RAE1: variants seen among roughly 807,000 people sequenced by gnomAD.
RAE1 encodes the protein mRNA export factor RAE1.
A neutral mutation model predicts 52.7 loss-of-function variants in RAE1; 13 were observed. The observed-to-expected ratio is 0.25, with a 90% confidence interval of 0.16 to 0.39. RAE1 has a LOEUF of 0.39. Ranked by LOEUF, RAE1 falls within the 10% of genes least tolerant of loss-of-function variation. The probability of loss-of-function intolerance (pLI) is 1.00; values close to 1 mark genes in which losing one functional copy is unlikely to be tolerated. For synonymous variants in RAE1, 164 were observed against 153.1 expected (o/e 1.07, Z -0.52); for missense variants, 262 against 459.8 (o/e 0.57, Z 3.93).
At chr20:57,377,789 C>T (rs768857936) in intron 11 of RAE1, among the ~76,000 whole-genome samples, 1 of 152,192 alleles carries the variant, frequency 6.6e-6, no homozygotes, top group South Asian at 2.1e-4. Flanking sequence ...CTCACAGACT[C>T]TCTCAGTAGG....
intron 7 of RAE1, among the ~76,000 whole-genome samples, chr20:57,367,390 G>A (rs967794815): frequency 6.6e-6 from 1 of 152,166 alleles, no homozygotes; most frequent in Non-Finnish European, 1.5e-5. Context: ...AGGAAAACTT[G>A]CAGTAAGTTT....
intron 4 of RAE1, among the ~76,000 whole-genome samples, chr20:57,362,266 T>G (rs2066901125): frequency 6.6e-6 from 1 of 152,232 alleles, no homozygotes; most frequent in South Asian, 2.1e-4. Context: ...TTGCTCCCAT[T>G]TTATTCAGTA....
At position 57,351,463 on chromosome 20, in the gene RAE1, C is replaced by T. The variant is rs946340173; in HGVS notation, c.-8+41C>T. 7 of 985,376 alleles carry T rather than the reference C, an allele frequency of 7.1e-6. No homozygotes were observed. The South Asian group carries it at 1.9e-4, about 26-fold the overall frequency. The allele number at this position is 985,376 out of a possible 1,614,324, so 61.0% of individuals were successfully genotyped here. A position where few individuals can be genotyped will look rare whatever the true frequency, so the allele number is the denominator to read the frequency against. ...CGCGCGTCCCGTCGTTAACCGCCGC[C>T]ATGGCTCCCGCAGAGGCCGAGTTGC... On this transcript the variant is annotated intron_variant, in intron 1 of 11. Coordinates refer to ENST00000395841, the MANE Select transcript of RAE1 (RefSeq NM_003610.4).
intron 4 of RAE1, among the ~76,000 whole-genome samples, chr20:57,361,101 A>G (rs1342310734): frequency 6.6e-6 from 1 of 151,884 alleles, no homozygotes; most frequent in Non-Finnish European, 1.5e-5. Context: ...AAAGAAAGAA[A>G]GAAAGAAAGA....
chr20:57,362,610 G>A (rs1410592774), intron 4 of RAE1, among the ~76,000 whole-genome samples: 1 of 152,110 alleles, frequency 6.6e-6, no homozygotes, highest in Non-Finnish European at 1.5e-5. Flanking sequence ...TTTATAAAAC[G>A]GAATCTAAGT....
rs202232599 is a variant in RAE1 at position 57,367,758 on chromosome 20, GGAAA to G, written c.534+684_534+687del. On this transcript the variant is annotated intron_variant, in intron 7 of 11. Coordinates refer to ENST00000395841, the MANE Select transcript of RAE1 (RefSeq NM_003610.4). Reference sequence around the variant, plus strand: ...CTATCTCAAAAAAAAAAAAAAAAAAGGAAAGAAAAAGAAATGGAACTTTCTCCAT... The same window carrying G: ...CTATCTCAAAAAAAAAAAAAAAAAAGGAAAAAGAAATGGAACTTTCTCCAT... Among the ~76,000 whole-genome samples the G allele has an allele frequency of 9.3e-4, 134 of 143,998 alleles. 3 individuals carry two copies. In the East Asian group the frequency reaches 0.026, roughly 28 times the overall value. The allele number at this position is 143,998 out of a possible 152,430, so 94.5% of individuals were successfully genotyped here. A position where few individuals can be genotyped will look rare whatever the true frequency, so the allele number is the denominator to read the frequency against.
rs764565837 is a variant in RAE1 at position 57,354,704 on chromosome 20, T to TC, written c.91-5dup. The TC allele has an allele frequency of 2.4e-5, 38 of 1,555,884 alleles. No homozygotes were observed. Among genetic ancestry groups the TC allele is most frequent in the Non-Finnish European group, 3.0e-5 (35 of 1,155,046 alleles). ...GCATACATTTTAACATTGACTTTTT[T>TC]CCCGCAGGATATTGAAGTAACATCA... On this transcript the variant is annotated splice_polypyrimidine_tract_variant and splice_region_variant and intron_variant, in intron 2 of 11. Transcript: ENST00000395841.
At chr20:57,365,764 C>T (rs1247075173) in intron 5 of RAE1, among the ~76,000 whole-genome samples, 3 of 152,246 alleles carry the variant, frequency 2.0e-5, no homozygotes, top group African/African-American at 7.2e-5. Flanking sequence ...ACGTTGTGAC[C>T]TCGTGCATGG....
chr20:57,358,703 CTA>C (rs1172899403), intron 4 of RAE1: 2 of 294,638 alleles, frequency 6.8e-6, no homozygotes. Context: ...GTCGTAAACT[CTA>C]TTGTCGATAT....
Position 57,378,596 on chromosome 20 carries a change from G to C in RAE1, c.*497G>C, listed in dbSNP as rs1319587204. On this transcript the variant is annotated 3_prime_UTR_variant, in exon 12 of 12. Coordinates refer to ENST00000395841, the MANE Select transcript of RAE1 (RefSeq NM_003610.4). ...AAATGCGGCAACCTTAGGGGAAAGG[G>C]AGTCCCCAGCTGCGCTCACTTCTGC... 3 of 153,492 alleles carry C rather than the reference G, an allele frequency of 2.0e-5. No individual in the cohort carries two copies. Among genetic ancestry groups the C allele is most frequent in the African/African-American group, 7.2e-5 (3 of 41,472 alleles). The allele number at this position is 153,492 out of a possible 1,614,324, so 9.5% of individuals were successfully genotyped here.
chr20:57,370,210 GC>G (rs1344075186), intron 8 of RAE1, among the ~76,000 whole-genome samples: 2 of 152,048 alleles, frequency 1.3e-5, no homozygotes, highest in Admixed American at 6.6e-5. Flanking sequence ...TGAGACCTTT[GC>G]CCCCCATTGT....
chr20:57,361,553 C>A (rs541630175), intron 4 of RAE1, among the ~76,000 whole-genome samples: 1 of 152,150 alleles, frequency 6.6e-6, no homozygotes, highest in Non-Finnish European at 1.5e-5. Flanking sequence ...AGCATACGTG[C>A]ATGCGTGAGC....
chr20:57,364,038 T>C (rs896921685), intron 4 of RAE1, among the ~76,000 whole-genome samples: 4 of 152,198 alleles, frequency 2.6e-5, no homozygotes, highest in African/African-American at 9.7e-5. Flanking sequence ...GCCTCCCTCA[T>C]GGAGCTTTAC....
intron 4 of RAE1, among the ~76,000 whole-genome samples, chr20:57,356,961 C>G (rs1351350956): frequency 6.6e-6 from 1 of 152,166 alleles, no homozygotes; most frequent in Non-Finnish European, 1.5e-5. Context: ...GGTTGAACAC[C>G]CCAGCCTCTC....
Position 57,374,589 on chromosome 20 carries a change from G to A in RAE1, c.826-18G>A, listed in dbSNP as rs1392404117. ...GCCCCTCTGCCTGGCTTCTCATTGT[G>A]CATGTCAATCCTTGCAGGTAAATGG... On this transcript the variant is annotated intron_variant, in intron 10 of 11. Transcript: ENST00000395841. The A allele has an allele frequency of 6.2e-7, 1 of 1,601,622 alleles. No individual in the cohort carries two copies. The highest frequency in any genetic ancestry group is 1.3e-5 in the African/African-American group (1 of 74,678).
At chr20:57,353,055 C>A (rs569677711) in intron 1 of RAE1, among the ~76,000 whole-genome samples, 73 of 152,338 alleles carry the variant, frequency 4.8e-4, no homozygotes, top group Non-Finnish European at 9.1e-4. Flanking sequence ...GCAGTTTCTC[C>A]GTTCTGTGTT....
intron 4 of RAE1, 129 bp from the exon 5 acceptor site, chr20:57,365,227 T>G: frequency 1.7e-6 from 1 of 580,506 alleles, no homozygotes; most frequent in South Asian, 2.7e-5. Context: ...AGTACACTGG[T>G]CCCCAAACAA....
chr20:57,365,454 C>G lies in RAE1; in HGVS notation c.375+12C>G. Reference sequence around the variant, plus strand: ...TACAGATCGCACAGGTAACAGAAGCCTCTGCAGAAAGGCTAGGCACAACTG... The same window carrying G: ...TACAGATCGCACAGGTAACAGAAGCGTCTGCAGAAAGGCTAGGCACAACTG... On this transcript the variant is annotated intron_variant, in intron 5 of 11. Coordinates refer to ENST00000395841, the MANE Select transcript of RAE1 (RefSeq NM_003610.4). 6.3e-7 allele frequency: 1 copy of G among 1,578,012 alleles called. No homozygotes were observed. The highest frequency in any genetic ancestry group is 8.6e-7 in the Non-Finnish European group (1 of 1,157,230).
chr20:57,354,490 C>T (rs999662538), intron 2 of RAE1, among the ~76,000 whole-genome samples: 3 of 152,134 alleles, frequency 2.0e-5, no homozygotes, highest in African/African-American at 7.2e-5. Flanking sequence ...AAAACAAGAC[C>T]ATGGGCATTT....
Sources: allele counts gnomAD v4.1 joint callset (sites outside exome capture counted in the v4.1 genomes callset), GRCh38; gene constraint gnomAD v4.1.1; transcripts MANE v1.5; gene names NCBI Gene and HGNC (gene_info 2026-07-23, HGNC 2026-07-21).